The following NINJ2 variants were observed in gnomAD, a reference collection of about 807,000 sequenced individuals.
NINJ2 encodes ninjurin 2, also known as ninjurin-2.
Under a neutral mutation model 11.7 loss-of-function variants are expected in NINJ2, and 12 were observed. The ratio of observed to expected loss-of-function variants is 1.02; its 90% CI spans 0.66 to 1.66. The LOEUF (loss-of-function observed/expected upper bound fraction) is 1.66, where lower values mean the gene tolerates loss of function less well. Ranked by LOEUF, NINJ2 falls within the 40% of genes most tolerant of loss-of-function variation. NINJ2 has a pLI of 0.00. For synonymous variants in NINJ2, 93 were observed against 76.8 expected (o/e 1.21, Z -1.10); for missense variants, 187 against 181.8 (o/e 1.03, Z -0.16).
At chr12:582,331 A>ATG (rs1565623399) in intron 1 of NINJ2, among the ~76,000 whole-genome samples, 2 of 71,556 alleles carry the variant, frequency 2.8e-5, no homozygotes, top group African/African-American at 1.3e-4. Context: ...GAATGAATGG[A>ATG]CGCAGGCAGG....
chr12:662,966 C>CAAAGAACTG (rs58561169), intron 1 of NINJ2, among the ~76,000 whole-genome samples: 12 of 558 alleles, frequency 0.022, no homozygotes, highest in South Asian at 0.25. Context: ...TTCCTGTCTC[C>CAAAGAACTG]CCGGCAGCTC....
At position 628,948 on chromosome 12, in the gene NINJ2, G is replaced by T. The variant is rs1948238775; in HGVS notation, c.33+34380C>A. The stretch of plus-strand genomic sequence containing the variant: ...AAAATCTCCATCTCCTTCCCAAAAA[G>T]CTCATGAATAACCCACCCCTTGTTT... On this transcript the variant is annotated intron_variant, in intron 1 of 3. Transcript: ENST00000305108. This position sits in a 1 kb window ranked among gnomAD's most constrained non-coding sequence, Gnocchi z 4.4. Among the ~76,000 whole-genome samples, 2 of 152,110 alleles carry T rather than the reference G, an allele frequency of 1.3e-5. No individual in the cohort carries two copies. The highest frequency in any genetic ancestry group is 4.1e-4 in the South Asian group (2 of 4,826).
intron 1 of NINJ2, among the ~76,000 whole-genome samples, chr12:601,740 C>A (rs1236451385): frequency 1.3e-5 from 2 of 151,906 alleles, no homozygotes; most frequent in East Asian, 3.9e-4. Flanking sequence ...GTGGCGGGTG[C>A]CTGTAATCCC....
chr12:648,594 T>C (rs1481853306), intron 1 of NINJ2, among the ~76,000 whole-genome samples: 2 of 152,172 alleles, frequency 1.3e-5, no homozygotes, highest in Non-Finnish European at 2.9e-5. Flanking sequence ...GGCTCTCAGA[T>C]AGAGGTCCAG....
In NINJ2 at chr12:642,087, A is replaced by G. The variant is rs574137414; in HGVS notation, c.33+21241T>C. 3.9e-5 allele frequency among the ~76,000 whole-genome samples: 6 copies of G among 152,342 alleles called. No homozygotes were observed. In the East Asian group the frequency reaches 1.2e-3, roughly 29 times the overall value. On this transcript the variant is annotated intron_variant, in intron 1 of 3. Coordinates refer to ENST00000305108, the MANE Select transcript of NINJ2 (RefSeq NM_016533.6). ...CTGAGATGTGAATCCCGGTTGAGCC[A>G]TTGACTAGCTGTGACCTTGAGCACA...
At chr12:583,160 T>TGCTAGTGTGAATGAATGAATGGAC (rs1947581643) in intron 1 of NINJ2, among the ~76,000 whole-genome samples, 1 of 21,238 alleles carries the variant, frequency 4.7e-5, no homozygotes, top group Non-Finnish European at 1.1e-4. Context: ...AATGAATGGG[T>TGCTAGTGTGAATGAATGAATGGAC]GCAGGCAGGC....
intron 1 of NINJ2, among the ~76,000 whole-genome samples, chr12:608,337 C>A (rs1947966102): frequency 1.3e-5 from 2 of 152,164 alleles, no homozygotes; most frequent in Admixed American, 1.3e-4. Flanking sequence ...ACCACTACAG[C>A]AATAAAAGCC....
In NINJ2 at chr12:640,512, T is replaced by C. The variant is rs1428108815; in HGVS notation, c.33+22816A>G. On this transcript the variant is annotated intron_variant, in intron 1 of 3. Transcript: ENST00000305108. This position sits in a 1 kb window ranked among gnomAD's most constrained non-coding sequence, Gnocchi z 4.0. Reference sequence around the variant, plus strand: ...TCTATTCCTCCTTTCTTCTTAATGGTCCTGTTTTTATTTTATTTTGTTTTA... The same window carrying C: ...TCTATTCCTCCTTTCTTCTTAATGGCCCTGTTTTTATTTTATTTTGTTTTA... Among the ~76,000 whole-genome samples the C allele has an allele frequency of 6.6e-6, 1 of 152,192 alleles. No homozygotes were observed. Among genetic ancestry groups the C allele is most frequent in the Admixed American group, 6.5e-5 (1 of 15,278 alleles).
intron 1 of NINJ2, among the ~76,000 whole-genome samples, chr12:568,659 G>A: frequency 6.6e-6 from 1 of 152,186 alleles, no homozygotes; most frequent in Admixed American, 6.5e-5. Context: ...CTTTCTACAC[G>A]GGGCAGTTCC....
At chr12:613,268 T>C (rs1243625790) in intron 1 of NINJ2, among the ~76,000 whole-genome samples, 1 of 152,246 alleles carries the variant, frequency 6.6e-6, no homozygotes, top group African/African-American at 2.4e-5. Flanking sequence ...CCTTTTCTCC[T>C]TTTTCTGGGT....
At chr12:642,660 A>AG (rs897114367) in intron 1 of NINJ2, 3 of 151,868 alleles carry the variant, frequency 2.0e-5, no homozygotes, top group African/African-American at 4.8e-5. Context: ...CTGCCCACGG[A>AG]GGGGGGCGGG....
chr12:569,134 A>C (rs58548238), intron 1 of NINJ2, among the ~76,000 whole-genome samples: 2 of 152,164 alleles, frequency 1.3e-5, no homozygotes, highest in African/African-American at 4.8e-5. Context: ...GATGGAGGGT[A>C]AATGAGGACC....
intron 1 of NINJ2, among the ~76,000 whole-genome samples, chr12:657,363 G>C (rs1937887200): frequency 6.6e-6 from 1 of 152,172 alleles, no homozygotes; most frequent in Non-Finnish European, 1.5e-5. Flanking sequence ...GCTGAGGCGG[G>C]TGGATCACAA....
At chr12:620,448 T>C (rs951526816) in intron 1 of NINJ2, among the ~76,000 whole-genome samples, 8 of 152,232 alleles carry the variant, frequency 5.3e-5, no homozygotes, top group African/African-American at 1.7e-4. Context: ...GTCTCACACA[T>C]AAAGCCTGTG....
At chr12:577,430 C>CATATATACATATGTATAT (rs1947476825) in intron 1 of NINJ2, among the ~76,000 whole-genome samples, 1 of 93,988 alleles carries the variant, frequency 1.1e-5, no homozygotes, top group East Asian at 2.4e-4. Flanking sequence ...TATATATATA[C>CATATATACATATGTATAT]ATATATATAT....
intron 1 of NINJ2, among the ~76,000 whole-genome samples, chr12:635,646 G>GA (rs1326455741): frequency 8.5e-5 from 13 of 152,080 alleles, no homozygotes; most frequent in Non-Finnish European, 1.8e-4. Flanking sequence ...AAAACACGGG[G>GA]AAAAATCTTC....
At chr12:589,352 T>C (rs1947687626) in intron 1 of NINJ2, among the ~76,000 whole-genome samples, 1 of 152,224 alleles carries the variant, frequency 6.6e-6, no homozygotes, top group Admixed American at 6.5e-5. Flanking sequence ...AGTAAGAACA[T>C]GATATGATTC....
chr12:566,916 G>A (rs1947308512), intron 1 of NINJ2, among the ~76,000 whole-genome samples: 1 of 152,226 alleles, frequency 6.6e-6, no homozygotes, highest in South Asian at 2.1e-4. Context: ...ACAATACAGG[G>A]CATATGCTGT....
intron 1 of NINJ2, among the ~76,000 whole-genome samples, chr12:649,480 G>A (rs1024596565): frequency 6.8e-6 from 1 of 146,028 alleles, no homozygotes; most frequent in Non-Finnish European, 1.5e-5. Context: ...TGTATAAACT[G>A]TTTATTTTTT....
Sources: allele counts gnomAD v4.1 joint callset (sites outside exome capture counted in the v4.1 genomes callset), GRCh38; gene constraint gnomAD v4.1.1; non-coding constraint Gnocchi (gnomAD v3.1); transcripts MANE v1.5; gene names NCBI Gene and HGNC (gene_info 2026-07-23, HGNC 2026-07-21).